Variants in ZZEF1 observed in about 807,000 individuals in gnomAD.
The protein encoded by ZZEF1 is zinc finger ZZ-type and EF-hand domain containing 1, also known as zinc finger ZZ-type and EF-hand domain-containing protein 1.
A neutral mutation model predicts 342.8 loss-of-function variants in ZZEF1; 157 were observed. The observed-to-expected ratio is 0.46, with a 90% CI of 0.40 to 0.52. The LOEUF (loss-of-function observed/expected upper bound fraction) is 0.52, where lower values mean the gene tolerates loss of function less well. Ranked by LOEUF, ZZEF1 falls within the 20% of genes least tolerant of loss-of-function variation. The pLI, the probability that ZZEF1 is intolerant of heterozygous loss-of-function variation, is 0.00. For synonymous variants in ZZEF1, 1,505 were observed against 1,429.1 expected (o/e 1.05, Z -1.20); for missense variants, 3,480 against 3,725.6 (o/e 0.93, Z 1.72).
chr17:4,020,639 G>A (rs543996567), intron 45 of ZZEF1, among the ~76,000 whole-genome samples: 1 of 152,144 alleles, frequency 6.6e-6, no homozygotes, highest in Non-Finnish European at 1.5e-5. Flanking sequence ...GCCTGGCTGG[G>A]ATTTGCTTTT....
At chr17:4,021,561 T>C (rs907862611) in intron 44 of ZZEF1, among the ~76,000 whole-genome samples, 1 of 152,242 alleles carries the variant, frequency 6.6e-6, no homozygotes, top group African/African-American at 2.4e-5. Flanking sequence ...TATCAACTGC[T>C]ATCGTCCTTT....
intron 36 of ZZEF1, 49 bp downstream of exon 36, chr17:4,050,732 T>C (rs374618019): frequency 6.2e-7 from 1 of 1,607,752 alleles, no homozygotes. Flanking sequence ...AGGCTTTTTT[T>C]CACCAGCAAC....
At chr17:4,033,309 T>C in intron 40 of ZZEF1, 1 of 267,062 alleles carries the variant, frequency 3.7e-6, no homozygotes, top group Non-Finnish European at 7.1e-6. Context: ...ACCAGATGTA[T>C]TAAAATGGTG....
intron 52 of ZZEF1, among the ~76,000 whole-genome samples, chr17:4,012,234 C>T (rs966307305): frequency 3.3e-5 from 5 of 152,194 alleles, no homozygotes; most frequent in Non-Finnish European, 7.3e-5. Context: ...CAGAGCTAAG[C>T]CCATGTGGGG....
chr17:4,069,177 T>C (rs2057461248), intron 26 of ZZEF1, among the ~76,000 whole-genome samples: 1 of 152,218 alleles, frequency 6.6e-6, no homozygotes, highest in Admixed American at 6.5e-5. Flanking sequence ...AAGCCTTCCA[T>C]TTCTCAGCTT....
rs772539210 is a variant in ZZEF1, at chr17:4,051,060, C to T, written c.5601-17G>A. 9 of 1,613,912 alleles carry T rather than the reference C, an allele frequency of 5.6e-6. No homozygotes were observed. The highest frequency in any genetic ancestry group is 2.2e-5 in the South Asian group (2 of 91,090). On this transcript the variant is annotated splice_polypyrimidine_tract_variant and intron_variant, in intron 35 of 54. Transcript: ENST00000381638. ...GGCAAATGGCTGCAAAGGCAAGACA[C>T]ATTTAAAGCTTACAACCCTCCAAAA...
Position 4,112,624 on chromosome 17 carries a change from T to A in ZZEF1, c.1051A>T (p.Asn351Tyr). 1 of 1,614,190 alleles carries A rather than the reference T, an allele frequency of 6.2e-7. No individual in the cohort carries two copies. Among genetic ancestry groups the A allele is most frequent in the Non-Finnish European group, 8.5e-7 (1 of 1,180,036 alleles). ...TGYVTLLENA[N>Y]VSQLYVQINI... Reference sequence around the variant, plus strand: ...TTGGACTTACAGAGCTGACTGACGTTGGCATTTTCCAGCAGCGTCACATAG... The same window carrying A: ...TTGGACTTACAGAGCTGACTGACGTAGGCATTTTCCAGCAGCGTCACATAG... Residue 351 changes from asparagine to tyrosine, a missense_variant, in exon 5 of 55, where the codon AAC becomes TAC. By Grantham distance (143) the Asn-to-Tyr change is moderately radical (BLOSUM62 -2). Around this residue, in one of 5 missense-constraint regions of ZZEF1, gnomAD observed 92 missense variants for 130.3 expected, o/e 0.71. Coordinates refer to ENST00000381638, the MANE Select transcript of ZZEF1 (RefSeq NM_015113.4).
intron 43 of ZZEF1, 33 bp from the exon 44 acceptor site, chr17:4,022,861 C>T: frequency 6.2e-7 from 1 of 1,609,896 alleles, no homozygotes; most frequent in Non-Finnish European, 8.5e-7. Flanking sequence ...TGTGTGACTG[C>T]CTTGGAGTGA....
At chr17:4,122,684 C>T (rs777349116) in intron 2 of ZZEF1, among the ~76,000 whole-genome samples, 3 of 152,114 alleles carry the variant, frequency 2.0e-5, no homozygotes, top group Non-Finnish European at 4.4e-5. Flanking sequence ...TGTGCCCCGC[C>T]GGCATTGCTT....
intron 1 of ZZEF1, among the ~76,000 whole-genome samples, chr17:4,135,337 G>C (rs538397474): frequency 6.6e-6 from 1 of 152,100 alleles, no homozygotes; most frequent in Non-Finnish European, 1.5e-5. Context: ...TTAGCCTGGC[G>C]TAGTGAGGGG....
chr17:4,054,583 A>G (rs1415399562), intron 33 of ZZEF1, among the ~76,000 whole-genome samples: 1 of 152,226 alleles, frequency 6.6e-6, no homozygotes, highest in Non-Finnish European at 1.5e-5. Context: ...GACAGACAGC[A>G]AAAAGGGGAT....
At chr17:4,100,595 T>C (rs898318414) in intron 9 of ZZEF1, among the ~76,000 whole-genome samples, 2 of 152,130 alleles carry the variant, frequency 1.3e-5, no homozygotes, top group African/African-American at 2.4e-5. Flanking sequence ...AAAATCCACA[T>C]CCAGCCGGGC....
chr17:4,019,835 G>A, intron 45 of ZZEF1, 66 bp from the exon 46 acceptor site: 1 of 1,231,378 alleles, frequency 8.1e-7, no homozygotes, highest in Non-Finnish European at 1.1e-6. Flanking sequence ...TTGATCAACT[G>A]AACTCAAAAC....
In ZZEF1 at chr17:4,050,026, C is replaced by T. The variant is rs79277193; in HGVS notation, c.5864-167G>A. ...ACATCCCTCGCTGTCTAAATCTACTCAGCTCCTCCTCTCAGATGGTGAGAG... is the reference window on the plus strand; with the variant it reads ...ACATCCCTCGCTGTCTAAATCTACTTAGCTCCTCCTCTCAGATGGTGAGAG... On this transcript the variant is annotated intron_variant, in intron 36 of 54. Transcript: ENST00000381638. 6.6e-3 allele frequency among the ~76,000 whole-genome samples: 1,001 copies of T among 152,344 alleles called. 13 individuals carry two copies. The highest frequency in any genetic ancestry group is 0.023 in the African/African-American group (963 of 41,560).
At chr17:4,097,520 GCCAACATA>G (rs1186241042) in intron 9 of ZZEF1, among the ~76,000 whole-genome samples, 17 of 146,654 alleles carry the variant, frequency 1.2e-4, no homozygotes, top group African/African-American at 4.0e-4. Context: ...GGGTGTCCTA[GCCAACATA>G]CCCTTTCGGT....
At chr17:4,101,545 T>A (rs1169628599) in intron 9 of ZZEF1, among the ~76,000 whole-genome samples, 1 of 152,216 alleles carries the variant, frequency 6.6e-6, no homozygotes, top group Non-Finnish European at 1.5e-5. Context: ...TCAGCAATTA[T>A]TATGTTGACA....
rs1257646421 is a variant in ZZEF1 at position 4,054,146 on chromosome 17, G to A, written c.5345C>T (p.Ser1782Phe). The A allele has an allele frequency of 5.6e-6, 9 of 1,613,838 alleles. No homozygotes were observed. In the Admixed American group the frequency reaches 6.7e-5, roughly 12 times the overall value. ...GGCAATCTCATCACACCCATCACAA[G>A]AGATGTCCACATTTAACAGGTCACA... ...RYCDLLNVDI[S>F]CDGCDEIAPW... is the part of the protein sequence containing the mutation. The change falls in exon 34 of 55, where the codon TCT becomes TTT. Residue 1782 changes from serine to phenylalanine, a missense_variant. By Grantham distance (155) the Ser-to-Phe change is radical (BLOSUM62 -2). Coordinates refer to ENST00000381638, the MANE Select transcript of ZZEF1 (RefSeq NM_015113.4).
intron 30 of ZZEF1, among the ~76,000 whole-genome samples, chr17:4,060,171 G>T (rs2057253532): frequency 6.6e-6 from 1 of 152,208 alleles, no homozygotes; most frequent in African/African-American, 2.4e-5. Context: ...CAAGCAAGCT[G>T]ACTAGTATGA....
intron 3 of ZZEF1, among the ~76,000 whole-genome samples, chr17:4,116,275 G>A (rs1225405478): frequency 6.6e-6 from 1 of 152,210 alleles, no homozygotes; most frequent in East Asian, 1.9e-4. Context: ...TCACGCCATT[G>A]CACTTCAGCC....
Sources: gnomAD v4.1 joint callset for allele counts (sites outside exome capture counted in the v4.1 genomes callset) on GRCh38, gnomAD v4.1.1 for gene constraint, gnomAD v4.1.1 regional missense constraint, MANE v1.5 for transcripts, NCBI Gene and HGNC (gene_info 2026-07-23, HGNC 2026-07-21) for gene names.